Variants in FRMD5 observed in about 807,000 individuals in gnomAD.
FRMD5 encodes FERM domain-containing protein 5.
FRMD5 carries 20 observed loss-of-function variants against 69.0 expected under a neutral mutation model. The observed-to-expected ratio is 0.29, with a 90% CI of 0.20 to 0.42. The LOEUF (loss-of-function observed/expected upper bound fraction) is 0.42. Among genes scored for constraint, FRMD5 ranks in the 10% least tolerant of loss-of-function variants. The pLI, the probability that FRMD5 is intolerant of heterozygous loss-of-function variation, is 1.00. For synonymous variants in FRMD5, 271 were observed against 260.1 expected (o/e 1.04, Z -0.40); for missense variants, 595 against 708.6 (o/e 0.84, Z 1.82).
intron 1 of FRMD5, among the ~76,000 whole-genome samples, chr15:44,180,926 T>C (rs920606239): frequency 1.3e-5 from 2 of 152,196 alleles, no homozygotes; most frequent in East Asian, 3.8e-4. Flanking sequence ...AATATTGACA[T>C]AAAATTTTAA....
intron 5 of FRMD5, among the ~76,000 whole-genome samples, chr15:43,907,064 A>T (rs977282221): frequency 6.6e-6 from 1 of 152,094 alleles, no homozygotes; most frequent in East Asian, 1.9e-4. Context: ...CCAGGTCAGA[A>T]TCCAGCTTTT....
intron 1 of FRMD5, among the ~76,000 whole-genome samples, chr15:44,163,436 C>A (rs1175839990): frequency 1.3e-5 from 2 of 152,144 alleles, no homozygotes. Flanking sequence ...ACTTTTTGAA[C>A]GACTGAGTGG....
At chr15:44,082,141 C>G (rs192691333) in intron 1 of FRMD5, among the ~76,000 whole-genome samples, 17 of 152,014 alleles carry the variant, frequency 1.1e-4, no homozygotes, top group African/African-American at 4.1e-4. Context: ...CAAATTCTTT[C>G]TTGCTCACAT....
rs551418405 is a variant in FRMD5, at chr15:44,010,868, A to G, written c.103-86559T>C. On this transcript the variant is annotated intron_variant, in intron 1 of 13. Transcript: ENST00000417257. ...GGGCAGAAGTTGTTCAAACTTCATT[A>G]CTCAACGTTAAAAAAAAAATGCTTC... is the stretch of plus-strand genomic sequence containing the variant. 2.0e-5 allele frequency among the ~76,000 whole-genome samples: 3 copies of G among 152,198 alleles called. No homozygotes were observed. In the East Asian group the frequency reaches 5.8e-4, roughly 29 times the overall value.
At chr15:44,086,298 T>C (rs936068299) in intron 1 of FRMD5, among the ~76,000 whole-genome samples, 5 of 152,076 alleles carry the variant, frequency 3.3e-5, no homozygotes, top group Non-Finnish European at 7.4e-5. Context: ...ACCCAAAAGA[T>C]GGAAACAACC....
intron 1 of FRMD5, among the ~76,000 whole-genome samples, chr15:44,169,477 AG>A (rs2077764182): frequency 6.6e-6 from 1 of 152,222 alleles, no homozygotes; most frequent in African/African-American, 2.4e-5. Flanking sequence ...GAAGCTCCTA[AG>A]AAACCAGAGT....
At chr15:44,132,573 C>T (rs867421419) in intron 1 of FRMD5, among the ~76,000 whole-genome samples, 33 of 152,150 alleles carry the variant, frequency 2.2e-4, no homozygotes, top group Admixed American at 1.0e-3. Context: ...GGACTACAGA[C>T]ATGTGCTATC....
At chr15:44,166,046 C>T (rs1205185938) in intron 1 of FRMD5, among the ~76,000 whole-genome samples, 1 of 152,032 alleles carries the variant, frequency 6.6e-6, no homozygotes, top group African/African-American at 2.4e-5. Flanking sequence ...ACTTGCAAAT[C>T]TTTTAATAAA....
intron 1 of FRMD5, among the ~76,000 whole-genome samples, chr15:44,007,976 CTGT>C (rs1051441498): frequency 5.3e-5 from 8 of 151,942 alleles, no homozygotes; most frequent in Admixed American, 1.3e-4. Context: ...GGGTCTTGCT[CTGT>C]TGTTGTGGCT....
intron 1 of FRMD5, among the ~76,000 whole-genome samples, chr15:44,061,128 C>T (rs1010557441): frequency 4.6e-5 from 7 of 152,172 alleles, no homozygotes; most frequent in Admixed American, 2.0e-4. Context: ...AAAGATACAT[C>T]AATGGGGAAA....
chr15:43,974,285 G>T (rs901399657), intron 1 of FRMD5, among the ~76,000 whole-genome samples: 1 of 152,154 alleles, frequency 6.6e-6, no homozygotes, highest in South Asian at 2.1e-4. Context: ...AAGCAATCTA[G>T]GAGGTGAACA....
At chr15:43,999,303 G>A (rs900812786) in intron 1 of FRMD5, among the ~76,000 whole-genome samples, 1 of 152,058 alleles carries the variant, frequency 6.6e-6, no homozygotes, top group Non-Finnish European at 1.5e-5. Flanking sequence ...CCTGACCTCA[G>A]GTGATCTGCC....
At chr15:44,143,470 A>T (rs910011726) in intron 1 of FRMD5, among the ~76,000 whole-genome samples, 1 of 152,068 alleles carries the variant, frequency 6.6e-6, no homozygotes, top group African/African-American at 2.4e-5. Context: ...TTCACTGGCC[A>T]TGAAGAACTA....
chr15:43,950,381 T>C (rs1457517541), intron 1 of FRMD5, among the ~76,000 whole-genome samples: 3 of 152,220 alleles, frequency 2.0e-5, no homozygotes, highest in South Asian at 4.1e-4. Flanking sequence ...ATTGGTTTCA[T>C]GCTTTAAAAC....
intron 1 of FRMD5, among the ~76,000 whole-genome samples, chr15:44,060,060 T>C (rs369605030): frequency 2.6e-5 from 4 of 152,020 alleles, no homozygotes; most frequent in African/African-American, 9.6e-5. Context: ...GACAAGAAGG[T>C]AAGTGGAGAG....
Position 44,119,553 on chromosome 15 carries a change from G to A in FRMD5, c.102+75400C>T, listed in dbSNP as rs564302522. On this transcript the variant is annotated intron_variant, in intron 1 of 13. Transcript: ENST00000417257. ...TTTGGAATAAAATATCCCTGGGAGG[G>A]ATATTTTAAACCCTTATTTTTATTT... Among the ~76,000 whole-genome samples the A allele has an allele frequency of 3.9e-5, 6 of 152,158 alleles. No individual in the cohort carries two copies. In the South Asian group the frequency reaches 1.2e-3, roughly 32 times the overall value.
chr15:44,113,789 G>C (rs1301911928), intron 1 of FRMD5, among the ~76,000 whole-genome samples: 2 of 152,048 alleles, frequency 1.3e-5, no homozygotes, highest in African/African-American at 4.8e-5. Flanking sequence ...CTGATCATCA[G>C]TTTCTTTGTT....
intron 1 of FRMD5, among the ~76,000 whole-genome samples, chr15:43,960,525 A>AG (rs1371144491): frequency 1.3e-5 from 2 of 152,138 alleles, no homozygotes; most frequent in Non-Finnish European, 2.9e-5. Flanking sequence ...CTGGGATTAC[A>AG]GGCGTGAGCC....
At chr15:44,041,091 A>G (rs2140315008) in intron 1 of FRMD5, among the ~76,000 whole-genome samples, 1 of 150,706 alleles carries the variant, frequency 6.6e-6, no homozygotes. Context: ...AAAGACCAAA[A>G]GTGACAAAGA....
Sources: allele counts gnomAD v4.1 joint callset (sites outside exome capture counted in the v4.1 genomes callset), GRCh38; gene constraint gnomAD v4.1.1; transcripts MANE v1.5; gene names NCBI Gene and HGNC (gene_info 2026-07-23, HGNC 2026-07-21).